ARFGEF1: variants seen among roughly 807,000 people sequenced by gnomAD.
ARFGEF1 encodes ARF guanine nucleotide exchange factor 1.
Under a neutral mutation model 231.0 loss-of-function variants are expected in ARFGEF1, and 42 were observed. That is an observed-to-expected ratio of 0.18 (90% CI 0.14 to 0.24). ARFGEF1 has a LOEUF of 0.24. Ranked by LOEUF, ARFGEF1 falls within the 10% of genes least tolerant of loss-of-function variation. ARFGEF1 has a pLI of 1.00. For missense variants in ARFGEF1, 1,345 were observed against 2,192.0 expected, an observed-to-expected ratio of 0.61 and a Z score of 7.72; for synonymous variants, 710 against 732.3, an observed-to-expected ratio of 0.97 and a Z score of 0.49.
At chr8:67,329,143 T>C (rs1475582160) in intron 1 of ARFGEF1, among the ~76,000 whole-genome samples, 1 of 151,186 alleles carries the variant, frequency 6.6e-6, no homozygotes, top group Non-Finnish European at 1.5e-5. Flanking sequence ...GGAGAATCAC[T>C]TGAACTCGAG....
At chr8:67,233,954 G>A (rs77405075) in intron 22 of ARFGEF1, among the ~76,000 whole-genome samples, 1 of 151,976 alleles carries the variant, frequency 6.6e-6, no homozygotes, top group African/African-American at 2.4e-5. Flanking sequence ...TCAGAATTAC[G>A]TTCATACAGT....
chr8:67,212,460 G>T (rs953912083), intron 33 of ARFGEF1, among the ~76,000 whole-genome samples: 7 of 152,358 alleles, frequency 4.6e-5, no homozygotes, highest in Non-Finnish European at 7.3e-5. Flanking sequence ...GATCTAAAAA[G>T]AAATGATATA....
In ARFGEF1 at chr8:67,277,267, C is replaced by T. The variant is rs1448890487; in HGVS notation, c.1203+15G>A. On this transcript the variant is annotated intron_variant, in intron 8 of 38. Transcript: ENST00000262215. ...TTAACAGGATTTCTCCCCCTCCCCA[C>T]CCCTCCATTTATACCTGAGTATCAT... 6.2e-7 allele frequency: 1 copy of T among 1,611,448 alleles called. No individual in the cohort carries two copies. The highest frequency in any genetic ancestry group is 8.5e-7 in the Non-Finnish European group (1 of 1,178,490).
At chr8:67,224,378 A>G (rs1839303266) in intron 29 of ARFGEF1, among the ~76,000 whole-genome samples, 2 of 152,222 alleles carry the variant, frequency 1.3e-5, no homozygotes, top group Admixed American at 1.3e-4. Flanking sequence ...TACCCATAAT[A>G]GTTCCTTTAC....
At chr8:67,278,850 A>C (rs958141218) in intron 7 of ARFGEF1, among the ~76,000 whole-genome samples, 1 of 152,216 alleles carries the variant, frequency 6.6e-6, no homozygotes, top group African/African-American at 2.4e-5. Flanking sequence ...TCAGTAATAA[A>C]ATACATTATG....
chr8:67,285,358 A>C (rs1249272734), intron 7 of ARFGEF1, among the ~76,000 whole-genome samples: 1 of 152,032 alleles, frequency 6.6e-6, no homozygotes, highest in Non-Finnish European at 1.5e-5. Flanking sequence ...TCTACAAAAA[A>C]ATACAAAAAC....
chr8:67,340,644 G>A (rs554792831), intron 1 of ARFGEF1, among the ~76,000 whole-genome samples: 1 of 152,226 alleles, frequency 6.6e-6, no homozygotes, highest in African/African-American at 2.4e-5. Context: ...GTTCACCAGG[G>A]ATTAGCTACC....
intron 14 of ARFGEF1, 89 bp downstream of exon 14, chr8:67,265,917 C>G (rs1804832505): frequency 8.6e-7 from 1 of 1,160,180 alleles, no homozygotes; most frequent in African/African-American, 1.5e-5. Context: ...CCATTTTACT[C>G]ATTATAAGGT....
intron 21 of ARFGEF1, 77 bp from the exon 22 acceptor site, chr8:67,238,570 G>A: frequency 6.9e-7 from 1 of 1,458,660 alleles, no homozygotes; most frequent in East Asian, 2.4e-5. Flanking sequence ...TATGCAGCCA[G>A]GACTTAAACA....
At chr8:67,207,889 G>A (rs1212624023) in intron 34 of ARFGEF1, among the ~76,000 whole-genome samples, 1 of 152,164 alleles carries the variant, frequency 6.6e-6, no homozygotes, top group Non-Finnish European at 1.5e-5. Context: ...GGAATGTCTG[G>A]CTTAAGGATG....
Position 67,197,852 on chromosome 8 carries a change from ATC to A in ARFGEF1, c.*1080_*1081del, listed in dbSNP as rs749174387. On this transcript the variant is annotated 3_prime_UTR_variant, in exon 39 of 39. Transcript: ENST00000262215. The stretch of plus-strand genomic sequence containing the variant: ...CACTGTTAATACGGAATGCTTGACA[ATC>A]TTGTCTTTTAACCATCAGAGCACAA... 6.4e-5 allele frequency: 63 copies of A among 985,748 alleles called. No homozygotes were observed. The highest frequency in any genetic ancestry group is 7.2e-5 in the Non-Finnish European group (60 of 829,942). 61.1% of individuals were successfully genotyped at this position (985,748 alleles called of 1,614,324 possible).
chr8:67,243,083 T>TG (rs1231006226), intron 19 of ARFGEF1, among the ~76,000 whole-genome samples: 3 of 152,218 alleles, frequency 2.0e-5, no homozygotes, highest in Non-Finnish European at 2.9e-5. Context: ...GCCTGGAACC[T>TG]GGGGGGTAAT....
intron 1 of ARFGEF1, among the ~76,000 whole-genome samples, chr8:67,306,611 CAA>C (rs1236086382): frequency 6.6e-6 from 1 of 152,088 alleles, no homozygotes; most frequent in Non-Finnish European, 1.5e-5. Context: ...ATGGATTCAA[CAA>C]ATTCTATTAT....
chr8:67,238,544 C>A, intron 21 of ARFGEF1, 51 bp from the exon 22 acceptor site: 2 of 1,539,006 alleles, frequency 1.3e-6, no homozygotes, highest in Middle Eastern at 3.4e-4. Flanking sequence ...AAAATATCTT[C>A]AAAAAGATTT....
At chr8:67,263,224 G>A (rs1015269704) in intron 14 of ARFGEF1, among the ~76,000 whole-genome samples, 2 of 152,112 alleles carry the variant, frequency 1.3e-5, no homozygotes, top group Non-Finnish European at 2.9e-5. Context: ...CAATTCAAAT[G>A]TTACCTCTCT....
In ARFGEF1 at chr8:67,244,261, AAAAAAAACAT is replaced by A. The variant is rs1171076025; in HGVS notation, c.2851-3981_2851-3972del. On this transcript the variant is annotated intron_variant, in intron 19 of 38. Coordinates refer to ENST00000262215, the MANE Select transcript of ARFGEF1 (RefSeq NM_006421.5). ...CCACCTCAAAAAAAAAAAAAAAAAA[AAAAAAAACAT>A]TCGACTACTGAGTCTCTCGTCTCTC... Among the ~76,000 whole-genome samples, 72 of 24,240 alleles carry A rather than the reference AAAAAAAACAT, an allele frequency of 3.0e-3. 6 individuals are homozygous for A. Among genetic ancestry groups the A allele is most frequent in the Middle Eastern group, 0.01 (1 of 98 alleles). 15.9% of individuals were successfully genotyped at this position (24,240 alleles called of 152,430 possible).
intron 27 of ARFGEF1, among the ~76,000 whole-genome samples, chr8:67,226,553 AATAAT>A (rs929946999): frequency 6.6e-6 from 1 of 152,178 alleles, no homozygotes; most frequent in African/African-American, 2.4e-5. Flanking sequence ...CACTACGTAA[AATAAT>A]ATAAGTGAAG....
chr8:67,336,188 C>T (rs1426272443), intron 1 of ARFGEF1, among the ~76,000 whole-genome samples: 1 of 152,204 alleles, frequency 6.6e-6, no homozygotes, highest in African/African-American at 2.4e-5. Flanking sequence ...TTCTTAAATA[C>T]TTGAGCCCAG....
At chr8:67,326,344 T>A (rs1807831714) in intron 1 of ARFGEF1, among the ~76,000 whole-genome samples, 1 of 152,256 alleles carries the variant, frequency 6.6e-6, no homozygotes, top group Non-Finnish European at 1.5e-5. Flanking sequence ...CTAGAAAGGA[T>A]GTAAACCGAA....
Sources: gnomAD v4.1 joint callset for allele counts (sites outside exome capture counted in the v4.1 genomes callset) on GRCh38, gnomAD v4.1.1 for gene constraint, MANE v1.5 for transcripts, NCBI Gene and HGNC (gene_info 2026-07-23, HGNC 2026-07-21) for gene names.